The following PPIL1 variants were observed in gnomAD, a reference collection of about 807,000 sequenced individuals.
The protein encoded by PPIL1 is peptidylprolyl isomerase like 1.
Under a neutral mutation model 19.4 loss-of-function variants are expected in PPIL1, and 14 were observed. That is an observed-to-expected ratio of 0.72 (90% CI 0.48 to 1.13). The LOEUF (loss-of-function observed/expected upper bound fraction) is 1.13, where lower values mean the gene tolerates loss of function less well. Ranked by LOEUF, PPIL1 falls within the 50% of genes most tolerant of loss-of-function variation. The pLI, the probability that PPIL1 is intolerant of heterozygous loss-of-function variation, is 0.00. For missense variants in PPIL1, 192 were observed against 218.0 expected (o/e 0.88, Z 0.75); for synonymous variants, 72 against 73.6 (o/e 0.98, Z 0.11).
chr6:36,856,552 G>A lies in PPIL1; in HGVS notation c.280+34C>T, dbSNP rs76501895. ...AAAAGAGTGAGCTTTTAAAATCCCC[G>A]TTCCTACCCAGTCCAGCCAAATTAT... On this transcript the variant is annotated intron_variant, in intron 3 of 3. Transcript: ENST00000373699. 4,868 of 1,586,242 alleles carry A rather than the reference G, an allele frequency of 3.1e-3. 132 individuals are homozygous for A. The African/African-American group carries it at 0.058, about 19-fold the overall frequency.
rs539014681 is a variant in PPIL1, at chr6:36,856,661, G to A, written c.212-7C>T. On this transcript the variant is annotated splice_region_variant and splice_polypyrimidine_tract_variant and intron_variant, in intron 2 of 3. Coordinates refer to ENST00000373699, the MANE Select transcript of PPIL1 (RefSeq NM_016059.5). ...ATAGATGCACCACCTCGACCTGCCCGATTGGAAGATGACACATGAATCAGC... is the reference window on the plus strand; with the variant it reads ...ATAGATGCACCACCTCGACCTGCCCAATTGGAAGATGACACATGAATCAGC... 31 of 1,613,292 alleles carry A rather than the reference G, an allele frequency of 1.9e-5. No homozygotes were observed. Among genetic ancestry groups the A allele is most frequent in the South Asian group, 1.5e-4 (14 of 91,062 alleles).
chr6:36,867,752 C>T (rs1237388725), intron 2 of PPIL1, among the ~76,000 whole-genome samples: 3 of 152,226 alleles, frequency 2.0e-5, no homozygotes, highest in African/African-American at 7.2e-5. Flanking sequence ...GAGGCTAGCC[C>T]TCCCACAAGG....
chr6:36,869,984 T>C lies in PPIL1; in HGVS notation c.211+1734A>G, dbSNP rs377080560. Among the ~76,000 whole-genome samples, 4 of 152,066 alleles carry C rather than the reference T, an allele frequency of 2.6e-5. No homozygotes were observed. The East Asian group carries it at 5.8e-4, about 22-fold the overall frequency. On this transcript the variant is annotated intron_variant, in intron 2 of 3. Coordinates refer to ENST00000373699, the MANE Select transcript of PPIL1 (RefSeq NM_016059.5). ...CTGTTCCTTTCTGAAAGATGGGATA[T>C]TTAGGGATTAGTTAATGATGGTTAG... is the stretch of plus-strand genomic sequence containing the variant.
chr6:36,855,295 A>AAT lies in PPIL1; in HGVS notation c.*516_*517dup, dbSNP rs544927723. The stretch of plus-strand genomic sequence containing the variant: ...TTGATGTTCTGGTTTTGAGAGGGAA[A>AAT]ATATATATAGAGATGCATACATTCC... On this transcript the variant is annotated 3_prime_UTR_variant, in exon 4 of 4. Coordinates refer to ENST00000373699, the MANE Select transcript of PPIL1 (RefSeq NM_016059.5). 2 of 155,794 alleles carry AAT rather than the reference A, an allele frequency of 1.3e-5. No individual in the cohort carries two copies. Among genetic ancestry groups the AAT allele is most frequent in the Admixed American group, 1.2e-4 (2 of 16,100 alleles). 9.7% of individuals were successfully genotyped at this position (155,794 alleles called of 1,614,324 possible).
chr6:36,867,088 G>C (rs549743207), intron 2 of PPIL1, among the ~76,000 whole-genome samples: 1 of 152,224 alleles, frequency 6.6e-6, no homozygotes, highest in East Asian at 1.9e-4. Flanking sequence ...TCAAAACTCG[G>C]GGCCTCAACC....
intron 2 of PPIL1, among the ~76,000 whole-genome samples, chr6:36,858,231 C>CAAAAAAA (rs55719434): frequency 4.4e-5 from 3 of 68,176 alleles, no homozygotes; most frequent in East Asian, 5.4e-4. Flanking sequence ...AAGACTGTCT[C>CAAAAAAA]AAAAAAAAAA....
intron 2 of PPIL1, among the ~76,000 whole-genome samples, chr6:36,859,811 TTGTGTGTGTGTGTG>T (rs71880744): frequency 2.0e-4 from 29 of 144,882 alleles, no homozygotes; most frequent in Non-Finnish European, 3.6e-4. Context: ...CTGTTTTCTA[TTGTGTGTGTGTGTG>T]TGTGTGTGTG....
At chr6:36,859,711 G>T (rs1774240767) in intron 2 of PPIL1, among the ~76,000 whole-genome samples, 1 of 152,102 alleles carries the variant, frequency 6.6e-6, no homozygotes. Context: ...ATGCTACTCA[G>T]ATGTCAATTA....
chr6:36,858,089 C>G (rs1774204331), intron 2 of PPIL1, among the ~76,000 whole-genome samples: 1 of 151,740 alleles, frequency 6.6e-6, no homozygotes, highest in African/African-American at 2.4e-5. Context: ...AAAAAATTAG[C>G]CAGGCATGGT....
At chr6:36,858,509 C>T (rs1305079839) in intron 2 of PPIL1, 1 of 152,276 alleles carries the variant, frequency 6.6e-6, no homozygotes, top group Non-Finnish European at 1.5e-5. Flanking sequence ...CAAGTCCACC[C>T]CCAAGGCCCC....
rs142538653 is a variant in PPIL1, at chr6:36,868,160, T to C, written c.211+3558A>G. Among the ~76,000 whole-genome samples the C allele has an allele frequency of 1.1e-4, 16 of 152,068 alleles. 1 individual carries two copies. In the East Asian group the frequency reaches 3.1e-3, roughly 29 times the overall value. On this transcript the variant is annotated intron_variant, in intron 2 of 3. Coordinates refer to ENST00000373699, the MANE Select transcript of PPIL1 (RefSeq NM_016059.5). Reference sequence around the variant, plus strand: ...ATATAACAAAAGCTCAAAGACAAGATAATACACCACAGAATAAGATGAAAA... The same window carrying C: ...ATATAACAAAAGCTCAAAGACAAGACAATACACCACAGAATAAGATGAAAA...
chr6:36,854,866 AT>A lies in PPIL1; in HGVS notation c.*946del. 3 of 152,782 alleles carry A rather than the reference AT, an allele frequency of 2.0e-5. No homozygotes were observed. The East Asian group carries it at 5.8e-4, about 29-fold the overall frequency. 9.5% of individuals were successfully genotyped at this position (152,782 alleles called of 1,614,324 possible). ...ATGGCATTTTATTGTGGAAGTTTCTATGTATTACATAGGTATTAACTTCCTT... is the reference window on the plus strand; with the variant it reads ...ATGGCATTTTATTGTGGAAGTTTCTAGTATTACATAGGTATTAACTTCCTT... On this transcript the variant is annotated 3_prime_UTR_variant, in exon 4 of 4. Transcript: ENST00000373699.
intron 1 of PPIL1, among the ~76,000 whole-genome samples, chr6:36,873,020 T>C (rs1301138116): frequency 6.6e-6 from 1 of 152,266 alleles, no homozygotes; most frequent in Non-Finnish European, 1.5e-5. Context: ...ACAGCCTTTC[T>C]GCCTGAAATT....
intron 2 of PPIL1, among the ~76,000 whole-genome samples, chr6:36,860,450 AAG>A (rs1243740257): frequency 1.3e-5 from 2 of 152,140 alleles, no homozygotes; most frequent in Non-Finnish European, 2.9e-5. Context: ...TCCAAAAAAA[AAG>A]AGATTCTTTT....
chr6:36,859,640 T>C (rs58214515), intron 2 of PPIL1, among the ~76,000 whole-genome samples: 66,989 of 151,714 alleles, frequency 0.44, 15,369 homozygotes, highest in East Asian at 0.65. Flanking sequence ...TCTGGGCACG[T>C]GGAATAAGTG....
At chr6:36,857,149 CA>C (rs1774184555) in intron 2 of PPIL1, among the ~76,000 whole-genome samples, 1 of 152,180 alleles carries the variant, frequency 6.6e-6, no homozygotes, top group African/African-American at 2.4e-5. Flanking sequence ...TGAATGTTAT[CA>C]ACCCAGAACT....
intron 2 of PPIL1, among the ~76,000 whole-genome samples, chr6:36,865,278 T>C (rs1774371111): frequency 6.6e-6 from 1 of 152,216 alleles, no homozygotes. Flanking sequence ...TATCCCAGAC[T>C]CAAGAGTCCC....
At position 36,860,480 on chromosome 6, in the gene PPIL1, CCTCTCTT is replaced by C. The variant is rs1774263134; in HGVS notation, c.212-3833_212-3827del. Among the ~76,000 whole-genome samples, 15 of 152,216 alleles carry C rather than the reference CCTCTCTT, an allele frequency of 9.9e-5. No homozygotes were observed. In the South Asian group the frequency reaches 3.1e-3, roughly 32 times the overall value. On this transcript the variant is annotated intron_variant, in intron 2 of 3. Coordinates refer to ENST00000373699, the MANE Select transcript of PPIL1 (RefSeq NM_016059.5). The stretch of plus-strand genomic sequence containing the variant: ...ATTCTTTTCCTCTTCTGTCCTCTGT[CCTCTCTT>C]GGGATCATTTATTCAATGTATTTAT...
chr6:36,863,007 CT>C (rs1774320946), intron 2 of PPIL1, among the ~76,000 whole-genome samples: 1 of 152,202 alleles, frequency 6.6e-6, no homozygotes, highest in Admixed American at 6.5e-5. Flanking sequence ...CTCAGTTCCC[CT>C]GTCTGCAAAA....
Sources: gnomAD v4.1 joint callset for allele counts (sites outside exome capture counted in the v4.1 genomes callset) on GRCh38, gnomAD v4.1.1 for gene constraint, MANE v1.5 for transcripts, NCBI Gene and HGNC (gene_info 2026-07-23, HGNC 2026-07-21) for gene names.